Variants in DNAJC5 observed in about 807,000 individuals in gnomAD.
The protein encoded by DNAJC5 is DnaJ heat shock protein family (Hsp40) member C5.
A neutral mutation model predicts 23.2 loss-of-function variants in DNAJC5; 1 was observed. The ratio of observed to expected loss-of-function variants is 0.04; its 90% CI spans 0.02 to 0.20. The LOEUF is 0.20. DNAJC5 is among the 10% of genes least tolerant of loss of function. DNAJC5 has a pLI of 1.00. For synonymous variants in DNAJC5, 136 were observed against 120.0 expected (o/e 1.13, Z -0.87); for missense variants, 180 against 267.0 (o/e 0.67, Z 2.27).
At position 63,935,854 on chromosome 20, in the gene DNAJC5, T is replaced by G. The variant is rs1378158807; in HGVS notation, c.*4286T>G. The stretch of plus-strand genomic sequence containing the variant: ...CCATGCACTGGTTTTGTCACTGGCG[T>G]CCTGGAATCCGACCGTGTTGGGGTG... On this transcript the variant is annotated 3_prime_UTR_variant, in exon 5 of 5. Transcript: ENST00000360864. 1 of 152,252 alleles carries G rather than the reference T, an allele frequency of 6.6e-6. No homozygotes were observed. Among genetic ancestry groups the G allele is most frequent in the Non-Finnish European group, 1.5e-5 (1 of 68,038 alleles). The allele number at this position is 152,252 out of a possible 1,614,324, so 9.4% of individuals were successfully genotyped here.
intron 1 of DNAJC5, among the ~76,000 whole-genome samples, chr20:63,915,936 T>C (rs1450973758): frequency 1.3e-5 from 2 of 152,208 alleles, no homozygotes; most frequent in Non-Finnish European, 2.9e-5. Context: ...ACCCATGTCA[T>C]TATTATTAAT....
chr20:63,921,837 G>A (rs1046720087), intron 1 of DNAJC5, among the ~76,000 whole-genome samples: 1 of 151,896 alleles, frequency 6.6e-6, no homozygotes, highest in Admixed American at 6.6e-5. Context: ...GACGTCCAGT[G>A]GTGCAATTTC....
chr20:63,912,029 A>G (rs2146281859), intron 1 of DNAJC5, among the ~76,000 whole-genome samples: 1 of 152,222 alleles, frequency 6.6e-6, no homozygotes, highest in East Asian at 1.9e-4. Flanking sequence ...AAGGCCTAGC[A>G]CACTGGCTCA....
chr20:63,915,800 G>A (rs1002350224), intron 1 of DNAJC5, among the ~76,000 whole-genome samples: 2 of 152,336 alleles, frequency 1.3e-5, no homozygotes, highest in African/African-American at 2.4e-5. Context: ...ATTCTTCCTC[G>A]ACTGTTTGTG....
chr20:63,899,824 G>A (rs529472715), intron 1 of DNAJC5, among the ~76,000 whole-genome samples: 24 of 149,490 alleles, frequency 1.6e-4, no homozygotes, highest in African/African-American at 4.7e-4. Flanking sequence ...CTTGTGATCC[G>A]CCCATCTTGG....
chr20:63,930,606 T>C (rs1295520398), intron 3 of DNAJC5, among the ~76,000 whole-genome samples: 1 of 152,210 alleles, frequency 6.6e-6, no homozygotes, highest in Non-Finnish European at 1.5e-5. Flanking sequence ...CTCGGCCTCC[T>C]GGAGTGCTGG....
At chr20:63,903,644 T>C (rs1245226399) in intron 1 of DNAJC5, among the ~76,000 whole-genome samples, 1 of 152,148 alleles carries the variant, frequency 6.6e-6, no homozygotes, top group African/African-American at 2.4e-5. Flanking sequence ...GTATAGAAAT[T>C]TTTAAAAAAT....
intron 1 of DNAJC5, among the ~76,000 whole-genome samples, chr20:63,903,128 A>G (rs2053425500): frequency 6.6e-6 from 1 of 151,952 alleles, no homozygotes; most frequent in Admixed American, 6.6e-5. Flanking sequence ...ATGTGTCACC[A>G]CAGTTGACTA....
rs2053363861 is a variant in DNAJC5, at chr20:63,895,148, C to G, written c.-187C>G. 1 of 146,488 alleles carries G rather than the reference C, an allele frequency of 6.8e-6. No individual in the cohort carries two copies. Among genetic ancestry groups the G allele is most frequent in the African/African-American group, 2.7e-5 (1 of 37,262 alleles). 9.1% of individuals were successfully genotyped at this position (146,488 alleles called of 1,614,324 possible). A position where few individuals can be genotyped will look rare whatever the true frequency, so the allele number is the denominator to read the frequency against. ...GGTGCGTGCGTGAGCGTGCTCGTCT[C>G]CGCTGCCGCTGCCGCTGCCGCTGCC... On this transcript the variant is annotated 5_prime_UTR_variant, in exon 1 of 5. Coordinates refer to ENST00000360864, the MANE Select transcript of DNAJC5 (RefSeq NM_025219.3).
rs777923854 is a variant in DNAJC5 at position 63,930,848 on chromosome 20, C to T, written c.322-3C>T. ...ATGCAACACCACCTTCTTCTCCCCC[C>T]AGGCCCTGTTTGTCTTCTGCGGCCT... On this transcript the variant is annotated splice_region_variant and splice_polypyrimidine_tract_variant and intron_variant, in intron 3 of 4. Coordinates refer to ENST00000360864, the MANE Select transcript of DNAJC5 (RefSeq NM_025219.3). The T allele has an allele frequency of 1.2e-6, 2 of 1,612,496 alleles. No homozygotes were observed. The highest frequency in any genetic ancestry group is 8.5e-7 in the Non-Finnish European group (1 of 1,179,912).
Position 63,928,213 on chromosome 20 carries a change from A to G in DNAJC5, c.-11-122A>G. The G allele has an allele frequency of 1.2e-6, 1 of 805,096 alleles. No homozygotes were observed. The highest frequency in any genetic ancestry group is 2.7e-5 in the East Asian group (1 of 37,710). 49.9% of individuals were successfully genotyped at this position (805,096 alleles called of 1,614,324 possible). On this transcript the variant is annotated intron_variant, in intron 1 of 4. Coordinates refer to ENST00000360864, the MANE Select transcript of DNAJC5 (RefSeq NM_025219.3). The surrounding 1 kb of genome is among the most constrained non-coding windows in gnomAD (Gnocchi z 4.6). ...TGGCGTCTGTCTGTGCACGTGGCAA[A>G]CTCCACAAGGCAGTGTTGGATTCTT...
At chr20:63,903,947 G>A (rs1363291605) in intron 1 of DNAJC5, among the ~76,000 whole-genome samples, 5 of 152,116 alleles carry the variant, frequency 3.3e-5, no homozygotes, top group East Asian at 1.9e-4. Context: ...TTAGCTGGGC[G>A]TGGTGGTGCA....
rs755986193 is a variant in DNAJC5 at position 63,898,286 on chromosome 20, G to A, written c.-12+2963G>A. Among the ~76,000 whole-genome samples, 42 of 152,220 alleles carry A rather than the reference G, an allele frequency of 2.8e-4. 1 individual carries two copies. Among genetic ancestry groups the A allele is most frequent in the Non-Finnish European group, 5.9e-5 (4 of 68,036 alleles). On this transcript the variant is annotated intron_variant, in intron 1 of 4. Coordinates refer to ENST00000360864, the MANE Select transcript of DNAJC5 (RefSeq NM_025219.3). ...CAGTGGGGCGGGGAGTCATGATAAG[G>A]TAGAATTTTATCTGAGGTGGAGTTT...
intron 1 of DNAJC5, among the ~76,000 whole-genome samples, chr20:63,919,063 G>A (rs979465522): frequency 2.0e-5 from 3 of 152,102 alleles, no homozygotes; most frequent in Admixed American, 6.6e-5. Flanking sequence ...TTTATAAAAC[G>A]TTTGCTGCAC....
rs544948687 is a variant in DNAJC5, at chr20:63,928,887, T to G, written c.108-425T>G. On this transcript the variant is annotated intron_variant, in intron 2 of 4. Coordinates refer to ENST00000360864, the MANE Select transcript of DNAJC5 (RefSeq NM_025219.3). The surrounding 1 kb of genome is among the most constrained non-coding windows in gnomAD (Gnocchi z 4.6). ...ATTGAGTAACCTGTAAGAGACACCA[T>G]CACTAATCCAGACAATTCAGATAGT... Among the ~76,000 whole-genome samples, 1 of 152,298 alleles carries G rather than the reference T, an allele frequency of 6.6e-6. No individual in the cohort carries two copies. Among genetic ancestry groups the G allele is most frequent in the Non-Finnish European group, 1.5e-5 (1 of 68,026 alleles).
chr20:63,901,006 C>G lies in DNAJC5; in HGVS notation c.-12+5683C>G, dbSNP rs183874172. On this transcript the variant is annotated intron_variant, in intron 1 of 4. Coordinates refer to ENST00000360864, the MANE Select transcript of DNAJC5 (RefSeq NM_025219.3). The stretch of plus-strand genomic sequence containing the variant: ...TTGAGACGGAGTCTCGCTCTGTCAT[C>G]CAGGCTGGAGTGCAGTGGCACGATC... 7.2e-5 allele frequency among the ~76,000 whole-genome samples: 11 copies of G among 152,332 alleles called. 1 individual carries two copies. In the East Asian group the frequency reaches 1.7e-3, roughly 24 times the overall value.
At chr20:63,899,100 G>A (rs2053392868) in intron 1 of DNAJC5, among the ~76,000 whole-genome samples, 1 of 152,222 alleles carries the variant, frequency 6.6e-6, no homozygotes, top group Non-Finnish European at 1.5e-5. Context: ...TCTGTCAGAT[G>A]AGGGTAGTGG....
At chr20:63,907,223 A>G (rs1015902914) in intron 1 of DNAJC5, among the ~76,000 whole-genome samples, 4 of 152,220 alleles carry the variant, frequency 2.6e-5, no homozygotes, top group African/African-American at 9.6e-5. Flanking sequence ...ATGGATGCTG[A>G]GAATCAGTTA....
chr20:63,897,405 T>C (rs1020995771), intron 1 of DNAJC5, among the ~76,000 whole-genome samples: 8 of 143,036 alleles, frequency 5.6e-5, no homozygotes, highest in African/African-American at 2.1e-4. Context: ...ATAAAAAAAA[T>C]AAAAATAAAA....
Sources: allele counts gnomAD v4.1 joint callset (sites outside exome capture counted in the v4.1 genomes callset), GRCh38; gene constraint gnomAD v4.1.1; non-coding constraint Gnocchi (gnomAD v3.1); transcripts MANE v1.5; gene names NCBI Gene and HGNC (gene_info 2026-07-23, HGNC 2026-07-21).